ARMH4: variants seen among roughly 807,000 people sequenced by gnomAD.
The protein encoded by ARMH4 is armadillo-like helical domain-containing protein 4.
In ARMH4, 49 loss-of-function variants were observed where a neutral mutation model predicts 61.9. The observed-to-expected ratio is 0.79, with a 90% CI of 0.63 to 1.00. The LOEUF is 1.00. Ranked by LOEUF, ARMH4 falls within the 50% of genes least tolerant of loss-of-function variation. The pLI is 0.00. For missense variants in ARMH4, 934 were observed against 930.0 expected (o/e 1.00, Z -0.06); for synonymous variants, 368 against 341.5 (o/e 1.08, Z -0.85).
At chr14:58,143,765 C>CTTT (rs201034964) in intron 1 of ARMH4, among the ~76,000 whole-genome samples, 5,417 of 119,180 alleles carry the variant, frequency 0.045, 405 homozygotes, top group African/African-American at 0.11. Flanking sequence ...TGCCCATCCT[C>CTTT]TTTTTTTTTT....
chr14:58,134,889 G>A (rs867853138), intron 2 of ARMH4, among the ~76,000 whole-genome samples: 20 of 150,472 alleles, frequency 1.3e-4, no homozygotes, highest in Admixed American at 1.1e-3. Flanking sequence ...CCCAGGAGGC[G>A]GAGGTTGCAA....
chr14:58,107,176 G>A (rs1886190203), intron 4 of ARMH4, among the ~76,000 whole-genome samples: 1 of 152,162 alleles, frequency 6.6e-6, no homozygotes, highest in Admixed American at 6.5e-5. Flanking sequence ...GAAGTAGCTA[G>A]CACTTCCAGG....
At position 58,139,209 on chromosome 14, in the gene ARMH4, C is replaced by T. The variant is rs140147023; in HGVS notation, c.150G>A (p.Met50Ile). The T allele has an allele frequency of 1.2e-6, 2 of 1,614,112 alleles. No individual in the cohort carries two copies. Among genetic ancestry groups the T allele is most frequent in the Non-Finnish European group, 1.7e-6 (2 of 1,180,052 alleles). ...AGCTATTTTCTAGGTCATCGGTGTT[C>T]ATCTTATCGGACTGCCCTTTTTCCG... ...VHAEKGQSDKMNTDDLENSSV... is the reference protein window; with the variant it reads ...VHAEKGQSDKINTDDLENSSV... Residue 50 changes from methionine (M) to isoleucine (I), a missense_variant, in exon 2 of 8, where the codon ATG (methionine) becomes ATA (isoleucine). Coordinates refer to ENST00000267485, the MANE Select transcript of ARMH4 (RefSeq NM_001001872.4).
intron 4 of ARMH4, among the ~76,000 whole-genome samples, chr14:58,114,101 C>T (rs992516620): frequency 2.6e-5 from 4 of 152,068 alleles, no homozygotes; most frequent in African/African-American, 9.7e-5. Flanking sequence ...TATTACAACA[C>T]ATTTATTTTA....
At chr14:58,126,802 A>ATTTTTTTTTTTTTT (rs34763780) in intron 4 of ARMH4, among the ~76,000 whole-genome samples, 1 of 137,274 alleles carries the variant, frequency 7.3e-6, no homozygotes, top group Non-Finnish European at 1.6e-5. Context: ...TCTCCATTGG[A>ATTTTTTTTTTTTTT]TTTTTTTTTT....
intron 4 of ARMH4, among the ~76,000 whole-genome samples, chr14:58,127,400 G>T (rs1886930989): frequency 6.6e-6 from 1 of 152,094 alleles, no homozygotes; most frequent in Non-Finnish European, 1.5e-5. Flanking sequence ...AAGCTCTCTT[G>T]CCTGCTGTCA....
intron 5 of ARMH4, among the ~76,000 whole-genome samples, chr14:58,015,983 A>T (rs1882597098): frequency 6.6e-6 from 1 of 151,860 alleles, no homozygotes. Context: ...AAATAGACAA[A>T]CATCACAGTA....
At chr14:58,133,049 A>T in intron 3 of ARMH4, 41 bp downstream of exon 3, 1 of 1,607,660 alleles carries the variant, frequency 6.2e-7, no homozygotes, top group East Asian at 2.2e-5. Flanking sequence ...AACAGAAGAG[A>T]TCCACCCCCA....
chr14:58,123,468 T>C lies in ARMH4; in HGVS notation c.1831+8044A>G, dbSNP rs143839901. ...CCTAGTGAAATCATGCAATAGCCCCTGCAATACTCCAATTTTAGGAGTACA... is the reference window on the plus strand; with the variant it reads ...CCTAGTGAAATCATGCAATAGCCCCCGCAATACTCCAATTTTAGGAGTACA... On this transcript the variant is annotated intron_variant, in intron 4 of 7. Transcript: ENST00000267485. Among the ~76,000 whole-genome samples the C allele has an allele frequency of 2.4e-3, 363 of 152,228 alleles. 2 individuals carry two copies. The highest frequency in any genetic ancestry group is 8.5e-3 in the African/African-American group (352 of 41,542).
Position 58,138,527 on chromosome 14 carries a change from C to T in ARMH4, c.832G>A (p.Glu278Lys), listed in dbSNP as rs567705724. Residue 278 changes from glutamate (E) to lysine (K), a missense_variant, in exon 2 of 8, where the codon GAG (glutamate) becomes AAG (lysine). Transcript: ENST00000267485. ...AATKQPLETS[E>K]YTLSVEPETD... Reference sequence around the variant, plus strand: ...TCTGGCTCAACACTCAGGGTGTACTCGGAAGTTTCGAGTGGTTGCTTGGTG... The same window carrying T: ...TCTGGCTCAACACTCAGGGTGTACTTGGAAGTTTCGAGTGGTTGCTTGGTG... 5.0e-6 allele frequency: 8 copies of T among 1,614,200 alleles called. No homozygotes were observed. The East Asian group carries it at 8.9e-5, about 18-fold the overall frequency.
intron 5 of ARMH4, among the ~76,000 whole-genome samples, chr14:58,068,931 C>T (rs942765286): frequency 6.6e-6 from 1 of 151,148 alleles, no homozygotes; most frequent in Non-Finnish European, 1.5e-5. Context: ...CACTTGAACC[C>T]AGGAGACGGA....
intron 5 of ARMH4, among the ~76,000 whole-genome samples, chr14:58,068,435 T>C (rs1472499796): frequency 6.6e-6 from 1 of 152,210 alleles, no homozygotes; most frequent in Non-Finnish European, 1.5e-5. Context: ...CATGATTAGA[T>C]AGCATCATAT....
chr14:58,015,402 CTATTCT>C (rs961568255), intron 5 of ARMH4, among the ~76,000 whole-genome samples: 1 of 152,150 alleles, frequency 6.6e-6, no homozygotes, highest in African/African-American at 2.4e-5. Flanking sequence ...TGAGGAAACA[CTATTCT>C]TAGACTGTGA....
intron 5 of ARMH4, among the ~76,000 whole-genome samples, chr14:58,086,269 T>G (rs182131530): frequency 8.6e-4 from 131 of 152,094 alleles, no homozygotes; most frequent in African/African-American, 3.1e-3. Context: ...CAAAGTTCAT[T>G]CCAAAAATAA....
intron 2 of ARMH4, among the ~76,000 whole-genome samples, chr14:58,136,069 T>A (rs1887293071): frequency 6.6e-6 from 1 of 152,228 alleles, no homozygotes; most frequent in Non-Finnish European, 1.5e-5. Flanking sequence ...CCAGTCTGAA[T>A]GGTTCTATAT....
At chr14:58,117,593 G>A (rs11623608) in intron 4 of ARMH4, among the ~76,000 whole-genome samples, 1 of 152,052 alleles carries the variant, frequency 6.6e-6, no homozygotes, top group Non-Finnish European at 1.5e-5. Context: ...CCACTTCCCA[G>A]GATCAAGCAT....
chr14:58,127,523 T>A (rs1170955953), intron 4 of ARMH4, among the ~76,000 whole-genome samples: 1 of 152,142 alleles, frequency 6.6e-6, no homozygotes, highest in East Asian at 1.9e-4. Context: ...AATTACCCAG[T>A]CTCAGGTATG....
intron 6 of ARMH4, among the ~76,000 whole-genome samples, chr14:58,010,364 A>C (rs1023840335): frequency 6.6e-6 from 1 of 152,196 alleles, no homozygotes; most frequent in African/African-American, 2.4e-5. Context: ...GTGTATATAC[A>C]TATAAAATAT....
In ARMH4 at chr14:58,102,796, C is replaced by T. The variant is rs1416013639; in HGVS notation, c.1832-5815G>A. ...ACTGCAGTCCGCAGTCCGGCCTGGG[C>T]GACAGAGCGAGACTCCGTCTCAAAA... On this transcript the variant is annotated intron_variant, in intron 4 of 7. Transcript: ENST00000267485. 7.0e-5 allele frequency among the ~76,000 whole-genome samples: 8 copies of T among 114,590 alleles called. No homozygotes were observed. The South Asian group carries it at 1.4e-3, about 21-fold the overall frequency. The allele number at this position is 114,590 out of a possible 152,430, so 75.2% of individuals were successfully genotyped here. A position where few individuals can be genotyped will look rare whatever the true frequency, so the allele number is the denominator to read the frequency against.
Sources: allele counts gnomAD v4.1 joint callset (sites outside exome capture counted in the v4.1 genomes callset), GRCh38; gene constraint gnomAD v4.1.1; transcripts MANE v1.5; gene names NCBI Gene and HGNC (gene_info 2026-07-23, HGNC 2026-07-21).